Variants in PLPPR1 observed in about 807,000 individuals in gnomAD.
PLPPR1 encodes the protein phospholipid phosphatase-related protein type 1.
PLPPR1 carries 10 observed loss-of-function variants against 33.1 expected under a neutral mutation model. The observed-to-expected ratio is 0.30, with a 90% CI of 0.19 to 0.51. The LOEUF (loss-of-function observed/expected upper bound fraction) is 0.51. Among genes scored for constraint, PLPPR1 ranks in the 20% least tolerant of loss-of-function variants. The probability of loss-of-function intolerance (pLI) is 0.97; values close to 1 mark genes in which losing one functional copy is unlikely to be tolerated. For synonymous variants in PLPPR1, 151 were observed against 151.0 expected (o/e 1.00, Z 0.00); for missense variants, 304 against 408.1 (o/e 0.74, Z 2.20).
At chr9:101,121,685 G>T (rs1020937169) in intron 1 of PLPPR1, among the ~76,000 whole-genome samples, 7 of 152,100 alleles carry the variant, frequency 4.6e-5, no homozygotes, top group African/African-American at 1.4e-4. Flanking sequence ...GAGTGGATAT[G>T]GTGCTCAAAG....
In PLPPR1 at chr9:101,028,991, CG is replaced by C. The variant is rs2118388530; in HGVS notation, c.-155del. ...TCGCCGGCTTGCTCTCCCACGCAAG[CG>C]GAATGCAGCAGCGCCTGGAGAGCGT... On this transcript the variant is annotated 5_prime_UTR_variant, in exon 1 of 8. Transcript: ENST00000374874. 6.5e-6 allele frequency: 1 copy of C among 153,622 alleles called. No homozygotes were observed. Among genetic ancestry groups the C allele is most frequent in the African/African-American group, 2.4e-5 (1 of 41,598 alleles). 9.5% of individuals were successfully genotyped at this position (153,622 alleles called of 1,614,324 possible).
At chr9:101,215,052 A>T (rs1826762718) in intron 2 of PLPPR1, among the ~76,000 whole-genome samples, 1 of 151,914 alleles carries the variant, frequency 6.6e-6, no homozygotes, top group Non-Finnish European at 1.5e-5. Context: ...AAAGAAAAGA[A>T]AAAAGCTAAA....
chr9:101,039,714 A>G (rs1830052812), intron 1 of PLPPR1, among the ~76,000 whole-genome samples: 1 of 152,080 alleles, frequency 6.6e-6, no homozygotes. Flanking sequence ...TGGTGGCAGG[A>G]AAAGAGAGCT....
At chr9:101,258,028 G>A (rs1297985479) in intron 2 of PLPPR1, among the ~76,000 whole-genome samples, 2 of 152,090 alleles carry the variant, frequency 1.3e-5, no homozygotes, top group African/African-American at 4.8e-5. Context: ...CAAGGGAAAG[G>A]CTAAAAGCCA....
chr9:101,214,505 T>A (rs1826749854), intron 2 of PLPPR1, among the ~76,000 whole-genome samples: 1 of 152,236 alleles, frequency 6.6e-6, no homozygotes. Context: ...GACAAAAATC[T>A]GGAGCTTAAA....
intron 5 of PLPPR1, among the ~76,000 whole-genome samples, chr9:101,311,922 T>TA (rs775422329): frequency 1.3e-5 from 2 of 152,174 alleles, no homozygotes; most frequent in Non-Finnish European, 2.9e-5. Context: ...AAAGTGTACT[T>TA]ACATGAAAAA....
chr9:101,187,031 G>C (rs763853561), intron 2 of PLPPR1, among the ~76,000 whole-genome samples: 2 of 151,936 alleles, frequency 1.3e-5, no homozygotes, highest in Non-Finnish European at 2.9e-5. Flanking sequence ...ACATATTGTG[G>C]GTTCTGGTTA....
chr9:101,266,756 G>A (rs867976464), intron 2 of PLPPR1, among the ~76,000 whole-genome samples: 2 of 152,184 alleles, frequency 1.3e-5, no homozygotes, highest in Non-Finnish European at 1.5e-5. Flanking sequence ...TTATTTCAGT[G>A]TATTTGGTGT....
chr9:101,074,718 C>T (rs997842559), intron 1 of PLPPR1, among the ~76,000 whole-genome samples: 19 of 151,840 alleles, frequency 1.3e-4, no homozygotes, highest in African/African-American at 2.4e-4. Context: ...AACAGAACAC[C>T]GAGAGAATGG....
At chr9:101,097,577 T>G (rs1033489034) in intron 1 of PLPPR1, among the ~76,000 whole-genome samples, 2 of 152,188 alleles carry the variant, frequency 1.3e-5, no homozygotes, top group African/African-American at 4.8e-5. Flanking sequence ...GATTTAACCC[T>G]AGAAGGTATG....
At chr9:101,039,430 C>T (rs1242675437) in intron 1 of PLPPR1, among the ~76,000 whole-genome samples, 1 of 152,118 alleles carries the variant, frequency 6.6e-6, no homozygotes, top group Non-Finnish European at 1.5e-5. Context: ...CATTATCATT[C>T]ATTATTTTTG....
chr9:101,189,372 C>G (rs1405150547), intron 2 of PLPPR1, among the ~76,000 whole-genome samples: 1 of 152,068 alleles, frequency 6.6e-6, no homozygotes, highest in Non-Finnish European at 1.5e-5. Context: ...ACAGATGAAG[C>G]CTCCAGGTAG....
At chr9:101,309,533 TTCTTTCATTGTCACTTATAGCGAC>T (rs2118954604) in intron 5 of PLPPR1, 72 bp downstream of exon 5, 2 of 1,519,380 alleles carry the variant, frequency 1.3e-6, no homozygotes, top group South Asian at 2.5e-5. Flanking sequence ...CCTGTCTCCA[TTCTTTCATTGTCACTTATAGCGAC>T]TCTTAAATTT....
intron 2 of PLPPR1, among the ~76,000 whole-genome samples, chr9:101,193,369 C>T (rs932361523): frequency 2.0e-5 from 3 of 152,066 alleles, no homozygotes; most frequent in Non-Finnish European, 2.9e-5. Context: ...ATAATAAAGA[C>T]CCAATCTGAC....
chr9:101,149,328 G>T (rs117200445), intron 1 of PLPPR1, among the ~76,000 whole-genome samples: 1,659 of 152,260 alleles, frequency 0.011, 10 homozygotes, highest in Middle Eastern at 0.02. Context: ...TTCCTCAAGA[G>T]TTCAGTCTTT....
chr9:101,095,567 A>G (rs1187097123), intron 1 of PLPPR1, among the ~76,000 whole-genome samples: 1 of 152,196 alleles, frequency 6.6e-6, no homozygotes, highest in East Asian at 1.9e-4. Context: ...AACTTCCTTG[A>G]TCACATATTA....
At chr9:101,174,634 A>G (rs1825993437) in intron 1 of PLPPR1, among the ~76,000 whole-genome samples, 1 of 152,144 alleles carries the variant, frequency 6.6e-6, no homozygotes, top group South Asian at 2.1e-4. Flanking sequence ...CATTTTCTGT[A>G]CCACAGACAC....
intron 1 of PLPPR1, among the ~76,000 whole-genome samples, chr9:101,130,950 A>G (rs761156817): frequency 2.6e-5 from 4 of 152,208 alleles, no homozygotes; most frequent in Non-Finnish European, 5.9e-5. Flanking sequence ...GTTATTAAAC[A>G]TCTATAAACC....
At position 101,247,106 on chromosome 9, in the gene PLPPR1, T is replaced by A. The variant is rs556883117; in HGVS notation, c.64-22774T>A. Among the ~76,000 whole-genome samples the A allele has an allele frequency of 3.3e-5, 5 of 152,040 alleles. No homozygotes were observed. In the South Asian group the frequency reaches 6.2e-4, roughly 19 times the overall value. ...GAGGTCTCATAGAAGAATTGAGGCC[T>A]CTAACTCATTAATTTACCATAAAAC... On this transcript the variant is annotated intron_variant, in intron 2 of 7. Transcript: ENST00000374874.
Sources: allele counts gnomAD v4.1 joint callset (sites outside exome capture counted in the v4.1 genomes callset), GRCh38; gene constraint gnomAD v4.1.1; transcripts MANE v1.5; gene names NCBI Gene and HGNC (gene_info 2026-07-23, HGNC 2026-07-21).